AATK: variants seen among roughly 807,000 people sequenced by gnomAD.
AATK encodes serine/threonine-protein kinase LMTK1.
AATK carries 91 observed loss-of-function variants against 114.3 expected under a neutral mutation model. That is an observed-to-expected ratio of 0.80 (90% CI 0.67 to 0.95). The LOEUF is 0.95. Among genes scored for constraint, AATK ranks in the 40% least tolerant of loss-of-function variants. AATK has a pLI of 0.00. For synonymous variants in AATK, 1,075 were observed against 916.5 expected (o/e 1.17, Z -3.12); for missense variants, 2,176 against 1,965.2 (o/e 1.11, Z -2.03).
intron 13 of AATK, among the ~76,000 whole-genome samples, chr17:81,119,148 G>GGGCCA (rs1480085077): frequency 2.5e-4 from 4 of 16,024 alleles, no homozygotes; most frequent in African/African-American, 6.8e-4. Flanking sequence ...GGCCAGGTGA[G>GGGCCA]GGTCAGGTGA....
At chr17:81,135,065 C>T (rs1325497667) in intron 1 of AATK, among the ~76,000 whole-genome samples, 3 of 152,104 alleles carry the variant, frequency 2.0e-5, no homozygotes, top group East Asian at 1.9e-4. Flanking sequence ...CCTGCTGCCT[C>T]GAATCCGTCC....
chr17:81,159,253 A>T (rs2061402204), intron 1 of AATK, among the ~76,000 whole-genome samples: 1 of 152,212 alleles, frequency 6.6e-6, no homozygotes, highest in South Asian at 2.1e-4. Flanking sequence ...CCACGATAGC[A>T]GCCCACGGGA....
intron 1 of AATK, among the ~76,000 whole-genome samples, chr17:81,140,787 G>A (rs1441860808): frequency 3.7e-5 from 5 of 134,132 alleles, no homozygotes; most frequent in Non-Finnish European, 7.9e-5. Flanking sequence ...CGGTGAGACC[G>A]TGGGGCCGTG....
chr17:81,121,494 G>A lies in AATK; in HGVS notation c.2442C>T (p.Ala814=), dbSNP rs1338276853. Residue 814 remains alanine (A), a synonymous_variant, in exon 11 of 14, where the codon GCC becomes GCT. Coordinates refer to ENST00000326724, the MANE Select transcript of AATK (RefSeq NM_001080395.3). The stretch of plus-strand genomic sequence containing the variant: ...GGGCATCAGGGGCGTCGGGGGCACT[G>A]GCCTCCTCCGAGGGAAGTGGGGCTC... The part of the protein sequence containing the change: ...QEGAPLPSEE[A]SAPDAPDALP... 3 of 1,559,666 alleles carry A rather than the reference G, an allele frequency of 1.9e-6. No homozygotes were observed. Among genetic ancestry groups the A allele is most frequent in the South Asian group, 1.2e-5 (1 of 82,512 alleles).
chr17:81,165,430 C>T (rs1216546007), intron 1 of AATK: 3 of 329,844 alleles, frequency 9.1e-6, no homozygotes, highest in Non-Finnish European at 1.8e-5. Context: ...CCTCTGCCCA[C>T]TGGGCTCTGT....
chr17:81,127,272 C>A (rs1339876238), intron 6 of AATK, among the ~76,000 whole-genome samples: 2 of 152,016 alleles, frequency 1.3e-5, no homozygotes, highest in Non-Finnish European at 2.9e-5. Flanking sequence ...CAGTGCCCCC[C>A]CCCAGTTGGC....
chr17:81,154,311 T>TTTTC (rs1443992247), intron 1 of AATK, among the ~76,000 whole-genome samples: 5 of 135,862 alleles, frequency 3.7e-5, no homozygotes, highest in South Asian at 2.3e-4. Flanking sequence ...TTTCTTAGTT[T>TTTTC]TTTCTTTCTT....
intron 13 of AATK, 25 bp from the exon 14 acceptor site, chr17:81,118,467 A>G: frequency 6.2e-7 from 1 of 1,603,058 alleles, no homozygotes; most frequent in Non-Finnish European, 8.5e-7. Flanking sequence ...AACAAAGTGA[A>G]CACAGGGTTC....
intron 1 of AATK, among the ~76,000 whole-genome samples, chr17:81,140,484 G>A (rs2061105780): frequency 6.6e-6 from 1 of 152,228 alleles, no homozygotes; most frequent in African/African-American, 2.4e-5. Flanking sequence ...GACTCTGGGT[G>A]CCTTGCATGG....
chr17:81,141,048 G>A (rs544702562), intron 1 of AATK, among the ~76,000 whole-genome samples: 1 of 150,660 alleles, frequency 6.6e-6, no homozygotes, highest in Non-Finnish European at 1.5e-5. Flanking sequence ...CATGGGGACC[G>A]TGAGCCGTGG....
chr17:81,125,109 G>T, intron 7 of AATK, 95 bp from the exon 8 acceptor site: 1 of 891,622 alleles, frequency 1.1e-6, no homozygotes, highest in South Asian at 1.7e-5. Context: ...GTGCCGGGCG[G>T]GGGCATCCAG....
At chr17:81,143,569 C>G (rs1327827069) in intron 1 of AATK, among the ~76,000 whole-genome samples, 1 of 151,520 alleles carries the variant, frequency 6.6e-6, no homozygotes, top group Non-Finnish European at 1.5e-5. Flanking sequence ...ATTCCCCCAG[C>G]CATGCAGCCC....
chr17:81,138,341 CCACACATACCCACG>C lies in AATK; in HGVS notation c.56-3854_56-3841del, dbSNP rs2061055785. Among the ~76,000 whole-genome samples, 3 of 139,994 alleles carry C rather than the reference CCACACATACCCACG, an allele frequency of 2.1e-5. No individual in the cohort carries two copies. The South Asian group carries it at 7.0e-4, about 33-fold the overall frequency. 91.8% of individuals were successfully genotyped at this position (139,994 alleles called of 152,430 possible). On this transcript the variant is annotated intron_variant, in intron 1 of 13. Transcript: ENST00000326724. The stretch of plus-strand genomic sequence containing the variant: ...TGCACACATACCCACACATGCACAC[CCACACATACCCACG>C]CACACACACTCCCATGGACACACGG...
Position 81,122,651 on chromosome 17 carries a change from C to G in AATK, c.1285G>C (p.Gly429Arg), listed in dbSNP as rs562385816. The change falls in exon 11 of 14, where the codon GGT becomes CGT. Residue 429 changes from glycine (G) to arginine (R), a missense_variant. Physicochemically the swap from Gly to Arg is moderately radical, Grantham distance 125. This residue lies in a region of AATK where 1,701 missense variants were observed against 1,394.7 expected (regional missense o/e 1.22). Coordinates refer to ENST00000326724, the MANE Select transcript of AATK (RefSeq NM_001080395.3). ...PGGGGVGPGPGAAGPMLGGVV... is the reference protein window; with the variant it reads ...PGGGGVGPGPRAAGPMLGGVV... The stretch of plus-strand genomic sequence containing the variant: ...CCGCCCAGCATGGGCCCCGCCGCAC[C>G]GGGCCCGGGCCCCACGCCGCCCCCG... 3.4e-6 allele frequency: 5 copies of G among 1,468,672 alleles called. No individual in the cohort carries two copies. Among genetic ancestry groups the G allele is most frequent in the Non-Finnish European group, 3.6e-6 (4 of 1,106,934 alleles). The allele number at this position is 1,468,672 out of a possible 1,614,324, so 91.0% of individuals were successfully genotyped here. A position where few individuals can be genotyped will look rare whatever the true frequency, so the allele number is the denominator to read the frequency against.
In AATK at chr17:81,126,936, A is replaced by G. The variant is rs987460147; in HGVS notation, c.622-376T>C. The G allele has an allele frequency of 2.4e-6, 2 of 828,084 alleles. No homozygotes were observed. The highest frequency in any genetic ancestry group is 1.5e-6 in the Non-Finnish European group (1 of 656,776). 51.3% of individuals were successfully genotyped at this position (828,084 alleles called of 1,614,324 possible). A position where few individuals can be genotyped will look rare whatever the true frequency, so the allele number is the denominator to read the frequency against. On this transcript the variant is annotated intron_variant, in intron 6 of 13. Coordinates refer to ENST00000326724, the MANE Select transcript of AATK (RefSeq NM_001080395.3). The surrounding 1 kb of genome is among the most constrained non-coding windows in gnomAD (Gnocchi z 5.1). Reference sequence around the variant, plus strand: ...CGAAAGCCCAGCCCCGGGACGGTCAACGTCAGGAGTCCAGACGCCAGTGTG... The same window carrying G: ...CGAAAGCCCAGCCCCGGGACGGTCAGCGTCAGGAGTCCAGACGCCAGTGTG...
Position 81,121,810 on chromosome 17 carries a change from G to A in AATK, c.2126C>T (p.Pro709Leu). The A allele has an allele frequency of 6.3e-7, 1 of 1,585,370 alleles. No individual in the cohort carries two copies. Among genetic ancestry groups the A allele is most frequent in the South Asian group, 1.1e-5 (1 of 88,986 alleles). ...GGCCCGTGGGGTCTGCTTTGGACTG[G>A]GGCAGCCCTCAGCGTGGCCGCCCGC... ...VSAGGHAEGCPSPKQTPRASP... is the reference protein window; with the variant it reads ...VSAGGHAEGCLSPKQTPRASP... Residue 709 changes from proline to leucine, a missense_variant, in exon 11 of 14, where the codon CCC (proline) becomes CTC (leucine). Pro to Leu is a moderately conservative substitution (Grantham distance 98). Around this residue, in one of 4 missense-constraint regions of AATK, gnomAD observed 1,701 missense variants for 1,394.7 expected, o/e 1.22. Transcript: ENST00000326724.
At chr17:81,133,389 G>A (rs886612756) in intron 2 of AATK, 14 of 335,290 alleles carry the variant, frequency 4.2e-5, no homozygotes, top group African/African-American at 2.9e-4. Context: ...TCTCCCAAAT[G>A]GGGGTGGCGC....
intron 13 of AATK, among the ~76,000 whole-genome samples, chr17:81,118,873 G>A (rs975895145): frequency 2.6e-5 from 4 of 152,372 alleles, no homozygotes; most frequent in South Asian, 2.1e-4. Context: ...GTGGGCACTT[G>A]TCAGGCACGT....
rs746679522 is a variant in AATK at position 81,121,262 on chromosome 17, A to C, written c.2674T>G (p.Ser892Ala). The C allele has an allele frequency of 1.9e-6, 3 of 1,610,240 alleles. No individual in the cohort carries two copies. The highest frequency in any genetic ancestry group is 1.7e-5 in the Admixed American group (1 of 59,794). ...GGGGTCCCCACCTGCTTCTGCAGAG[A>C]GCGGAAGGCTGGCACCACATCCGGC... The part of the protein sequence containing the change: ...RRPDVVPAFR[S>A]LQKQVGTPDS... The change falls in exon 11 of 14, where the codon TCT (serine) becomes GCT (alanine). Residue 892 changes from serine (S) to alanine (A), a missense_variant. Ser to Ala is a moderately conservative substitution (Grantham distance 99, BLOSUM62 1). Coordinates refer to ENST00000326724, the MANE Select transcript of AATK (RefSeq NM_001080395.3).
Sources: gnomAD v4.1 joint callset for allele counts (sites outside exome capture counted in the v4.1 genomes callset) on GRCh38, gnomAD v4.1.1 for gene constraint, gnomAD v4.1.1 regional missense constraint, Gnocchi (gnomAD v3.1) non-coding constraint, MANE v1.5 for transcripts, NCBI Gene and HGNC (gene_info 2026-07-23, HGNC 2026-07-21) for gene names.